The following RPAP3 variants were observed in gnomAD, a reference collection of about 807,000 sequenced individuals.
RPAP3 encodes the protein RNA polymerase II associated protein 3.
Under a neutral mutation model 88.8 loss-of-function variants are expected in RPAP3, and 58 were observed. The ratio of observed to expected loss-of-function variants is 0.65; its 90% CI spans 0.53 to 0.81. The LOEUF is 0.81. RPAP3 is among the 40% of genes least tolerant of loss of function. RPAP3 has a pLI of 0.00. For missense variants in RPAP3, 751 were observed against 764.3 expected (o/e 0.98, Z 0.20); for synonymous variants, 255 against 259.9 (o/e 0.98, Z 0.18).
chr12:47,704,637 C>T (rs1311608734), intron 1 of RPAP3, among the ~76,000 whole-genome samples: 1 of 151,932 alleles, frequency 6.6e-6, no homozygotes, highest in Non-Finnish European at 1.5e-5. Flanking sequence ...CTCGGCCTCC[C>T]AAAGTGCTGG....
At chr12:47,669,834 A>C (rs1938959190) in intron 13 of RPAP3, among the ~76,000 whole-genome samples, 1 of 152,198 alleles carries the variant, frequency 6.6e-6, no homozygotes, top group South Asian at 2.1e-4. Context: ...ATAAAACTGA[A>C]ATCCTAGAAA....
At position 47,667,095 on chromosome 12, in the gene RPAP3, A is replaced by G. The variant is rs771858918; in HGVS notation, c.1812-15T>C. 8.3e-7 allele frequency: 1 copy of G among 1,208,728 alleles called. No individual in the cohort carries two copies. The highest frequency in any genetic ancestry group is 2.8e-5 in the Admixed American group (1 of 35,502). The allele number at this position is 1,208,728 out of a possible 1,614,324, so 74.9% of individuals were successfully genotyped here. A position where few individuals can be genotyped will look rare whatever the true frequency, so the allele number is the denominator to read the frequency against. On this transcript the variant is annotated splice_polypyrimidine_tract_variant and intron_variant, in intron 15 of 16. Coordinates refer to ENST00000005386, the MANE Select transcript of RPAP3 (RefSeq NM_024604.3). ...GCTTTTCTTTCCTGAAATAATCCAAATATAGAAACAAATGATCAGTTAAAA... is the reference window on the plus strand; with the variant it reads ...GCTTTTCTTTCCTGAAATAATCCAAGTATAGAAACAAATGATCAGTTAAAA...
At chr12:47,673,444 C>CAAAAAA (rs35080899) in intron 12 of RPAP3, among the ~76,000 whole-genome samples, 3 of 60,764 alleles carry the variant, frequency 4.9e-5, no homozygotes, top group Non-Finnish European at 7.4e-5. Flanking sequence ...AACTCCGTCT[C>CAAAAAA]AAAAAAAAAA....
chr12:47,666,116 GA>G (rs1043250736), intron 16 of RPAP3, among the ~76,000 whole-genome samples: 1 of 150,112 alleles, frequency 6.7e-6, no homozygotes, highest in Admixed American at 6.6e-5. Context: ...TTATTAAAAA[GA>G]AAAAAAAAGA....
Position 47,697,728 on chromosome 12 carries a change from A to C in RPAP3, c.295-9T>G, listed in dbSNP as rs1329597180. On this transcript the variant is annotated splice_polypyrimidine_tract_variant and intron_variant, in intron 3 of 16. Transcript: ENST00000005386. Reference sequence around the variant, plus strand: ...TCATCAAGGATACGGTCCTAAAATCAAAAGACGGAAAACAGGGGTCATAAT... The same window carrying C: ...TCATCAAGGATACGGTCCTAAAATCCAAAGACGGAAAACAGGGGTCATAAT... 5 of 1,583,636 alleles carry C rather than the reference A, an allele frequency of 3.2e-6. No individual in the cohort carries two copies. In the South Asian group the frequency reaches 4.7e-5, roughly 15 times the overall value.
At chr12:47,684,291 G>A (rs890635311) in intron 9 of RPAP3, among the ~76,000 whole-genome samples, 4 of 152,108 alleles carry the variant, frequency 2.6e-5, no homozygotes, top group African/African-American at 4.8e-5. Context: ...TAGGAATCCC[G>A]GTTGGCCTAA....
At chr12:47,685,537 T>C (rs1482006922) in intron 9 of RPAP3, among the ~76,000 whole-genome samples, 1 of 152,212 alleles carries the variant, frequency 6.6e-6, no homozygotes, top group East Asian at 1.9e-4. Context: ...GATACTCTTG[T>C]GACAAGGCTG....
intron 3 of RPAP3, among the ~76,000 whole-genome samples, chr12:47,698,014 G>A (rs1390781261): frequency 1.9e-4 from 29 of 152,104 alleles, no homozygotes; most frequent in Admixed American, 1.8e-3. Context: ...AGGTCTTATG[G>A]CTTAAAGGAA....
chr12:47,667,674 A>T, intron 15 of RPAP3, 80 bp downstream of exon 15: 1 of 724,654 alleles, frequency 1.4e-6, no homozygotes, highest in Non-Finnish European at 2.3e-6. Context: ...TAATCATTTT[A>T]ATTAAAATTG....
chr12:47,677,439 G>A (rs918411555), intron 12 of RPAP3, among the ~76,000 whole-genome samples: 6 of 152,100 alleles, frequency 3.9e-5, no homozygotes, highest in Non-Finnish European at 5.9e-5. Context: ...ATTAGGAAAC[G>A]AGGAAGTCAA....
At chr12:47,673,444 CAAAA>C (rs35080899) in intron 12 of RPAP3, among the ~76,000 whole-genome samples, 5 of 60,762 alleles carry the variant, frequency 8.2e-5, no homozygotes, top group African/African-American at 2.4e-4. Flanking sequence ...AACTCCGTCT[CAAAA>C]AAAAAAAAAA....
chr12:47,688,910 T>TA (rs1325356231), intron 7 of RPAP3, among the ~76,000 whole-genome samples: 1 of 152,202 alleles, frequency 6.6e-6, no homozygotes, highest in Non-Finnish European at 1.5e-5. Flanking sequence ...CAGTAGTTCT[T>TA]AAAGATCTCA....
Position 47,701,460 on chromosome 12 carries a change from T to C in RPAP3, c.294+4A>G, listed in dbSNP as rs915689443. ...TTAAGAAGCAAATGACTAGATTAAC[T>C]TACCACATCAAGTTTTGCCCATGCC... On this transcript the variant is annotated splice_donor_region_variant and intron_variant, in intron 3 of 16. Transcript: ENST00000005386. 30 of 1,558,262 alleles carry C rather than the reference T, an allele frequency of 1.9e-5. No individual in the cohort carries two copies. The highest frequency in any genetic ancestry group is 2.3e-5 in the Non-Finnish European group (27 of 1,158,322).
intron 5 of RPAP3, 110 bp downstream of exon 5, chr12:47,696,166 T>C: frequency 1.1e-6 from 1 of 914,338 alleles, no homozygotes; most frequent in African/African-American, 1.7e-5. Context: ...GAAAAGAAAA[T>C]GCAATACATT....
At chr12:47,680,981 A>G (rs951883724) in intron 10 of RPAP3, among the ~76,000 whole-genome samples, 59 of 152,156 alleles carry the variant, frequency 3.9e-4, no homozygotes, top group Non-Finnish European at 7.1e-4. Flanking sequence ...AACAAAAAAA[A>G]AAAAACAGGC....
chr12:47,668,132 T>C (rs1235803078), intron 14 of RPAP3, among the ~76,000 whole-genome samples: 2 of 151,130 alleles, frequency 1.3e-5, no homozygotes, highest in South Asian at 2.1e-4. Flanking sequence ...GAGGCAGAGG[T>C]TGCGGTGAGC....
intron 3 of RPAP3, among the ~76,000 whole-genome samples, chr12:47,698,316 G>A (rs749208453): frequency 2.0e-5 from 3 of 151,830 alleles, no homozygotes; most frequent in East Asian, 1.9e-4. Flanking sequence ...GCCCTCAATC[G>A]ATATGTTATA....
intron 12 of RPAP3, among the ~76,000 whole-genome samples, chr12:47,679,241 C>T (rs998617792): frequency 6.6e-6 from 1 of 152,066 alleles, no homozygotes; most frequent in African/African-American, 2.4e-5. Context: ...CACACTGGGA[C>T]CTGTTGCGGG....
chr12:47,688,145 A>G (rs1939361436), intron 7 of RPAP3, 144 bp from the exon 8 acceptor site: 5 of 715,830 alleles, frequency 7.0e-6, no homozygotes, highest in Non-Finnish European at 1.0e-5. Context: ...CTCTAATTCA[A>G]AATCTTTCTA....
Sources: gnomAD v4.1 joint callset for allele counts (sites outside exome capture counted in the v4.1 genomes callset) on GRCh38, gnomAD v4.1.1 for gene constraint, MANE v1.5 for transcripts, NCBI Gene and HGNC (gene_info 2026-07-23, HGNC 2026-07-21) for gene names.